Variants in RNF149 observed in about 807,000 individuals in gnomAD.
The protein encoded by RNF149 is E3 ubiquitin-protein ligase RNF149.
A neutral mutation model predicts 39.0 loss-of-function variants in RNF149; 21 were observed. That is an observed-to-expected ratio of 0.54 (90% confidence interval 0.38 to 0.77). The LOEUF is 0.77. Ranked by LOEUF, RNF149 falls within the 30% of genes least tolerant of loss-of-function variation. The probability of loss-of-function intolerance (pLI) is 0.00; values close to 1 mark genes in which losing one functional copy is unlikely to be tolerated. For synonymous variants in RNF149, 209 were observed against 213.6 expected, an observed-to-expected ratio of 0.98 and a Z score of 0.19; for missense variants, 493 against 534.9, an observed-to-expected ratio of 0.92 and a Z score of 0.77.
At position 101,308,261 on chromosome 2, in the gene RNF149, C is replaced by T; in HGVS notation, c.328G>A (p.Val110Ile). ...CAGCCCCCACGAGCCACCAGGGCGACCCAGGGCGCGGCCCCTCGGCCGCCG... is the reference window on the plus strand; with the variant it reads ...CAGCCCCCACGAGCCACCAGGGCGATCCAGGGCGCGGCCCCTCGGCCGCCG... ...EPGGRGAAPW[V>I]ALVARGGCTF... The change falls in exon 1 of 7, where the codon GTC becomes ATC. Residue 110 changes from valine to isoleucine, a missense_variant. Physicochemically the swap from Val to Ile is conservative, Grantham distance 29 (BLOSUM62 3). Coordinates refer to ENST00000295317, the MANE Select transcript of RNF149 (RefSeq NM_173647.4). The T allele has an allele frequency of 6.3e-7, 1 of 1,587,306 alleles. No individual in the cohort carries two copies. The highest frequency in any genetic ancestry group is 8.6e-7 in the Non-Finnish European group (1 of 1,168,696).
At chr2:101,279,951 T>A (rs1682507135) in intron 6 of RNF149, among the ~76,000 whole-genome samples, 1 of 152,168 alleles carries the variant, frequency 6.6e-6, no homozygotes, top group Admixed American at 6.5e-5. Context: ...AAAATTCTGA[T>A]GAGATTTTCT....
chr2:101,282,154 T>G, intron 5 of RNF149, 97 bp from the exon 6 acceptor site: 2 of 1,495,042 alleles, frequency 1.3e-6, no homozygotes, highest in Non-Finnish European at 1.8e-6. Context: ...CAATATTACG[T>G]ACTTCTGTAC....
Position 101,292,876 on chromosome 2 carries a change from CAG to C in RNF149, c.780+1136_780+1137del, listed in dbSNP as rs368508534. Among the ~76,000 whole-genome samples the C allele has an allele frequency of 2.3e-3, 356 of 152,074 alleles. 2 individuals are homozygous for C. The highest frequency in any genetic ancestry group is 8.3e-3 in the African/African-American group (344 of 41,478). On this transcript the variant is annotated intron_variant, in intron 3 of 6. Coordinates refer to ENST00000295317, the MANE Select transcript of RNF149 (RefSeq NM_173647.4). ...AGTAACTGACTATGCTGAATGTGTGCAGAGTTTGTCACAGGGATTAACTGGAA... is the reference window on the plus strand; with the variant it reads ...AGTAACTGACTATGCTGAATGTGTGCAGTTTGTCACAGGGATTAACTGGAA...
chr2:101,303,240 C>T (rs1397658325), intron 1 of RNF149, among the ~76,000 whole-genome samples: 2 of 151,952 alleles, frequency 1.3e-5, no homozygotes, highest in Non-Finnish European at 1.5e-5. Flanking sequence ...CTCAGCCTCC[C>T]GAGTAGCTGA....
chr2:101,276,344 AG>A lies in RNF149; in HGVS notation c.*893del. 3 of 985,830 alleles carry A rather than the reference AG, an allele frequency of 3.0e-6. No homozygotes were observed. The highest frequency in any genetic ancestry group is 3.6e-6 in the Non-Finnish European group (3 of 829,908). 61.1% of individuals were successfully genotyped at this position (985,830 alleles called of 1,614,324 possible). A position where few individuals can be genotyped will look rare whatever the true frequency, so the allele number is the denominator to read the frequency against. On this transcript the variant is annotated 3_prime_UTR_variant, in exon 7 of 7. Transcript: ENST00000295317. The stretch of plus-strand genomic sequence containing the variant: ...GTAAAAAAGAAGAAACGGTTAAGCA[AG>A]GTCATGGTATTAAATCTGCTTAAAC...
At chr2:101,278,279 A>G (rs1682427486) in intron 6 of RNF149, among the ~76,000 whole-genome samples, 1 of 151,960 alleles carries the variant, frequency 6.6e-6, no homozygotes, top group Non-Finnish European at 1.5e-5. Flanking sequence ...AGCTTCCCAG[A>G]GAGCTAGGAC....
chr2:101,296,919 A>C (rs1453220001), intron 1 of RNF149, among the ~76,000 whole-genome samples: 3 of 152,174 alleles, frequency 2.0e-5, no homozygotes, highest in African/African-American at 7.2e-5. Context: ...TCAAAAGAGT[A>C]AATGGTTGGC....
In RNF149 at chr2:101,276,598, A is replaced by T; in HGVS notation, c.*640T>A. On this transcript the variant is annotated 3_prime_UTR_variant, in exon 7 of 7. Transcript: ENST00000295317. Reference sequence around the variant, plus strand: ...AAATAAACAGATTTCCCTCCCCAACAAGGCGTCACAAGAAATGAGGCAATA... The same window carrying T: ...AAATAAACAGATTTCCCTCCCCAACTAGGCGTCACAAGAAATGAGGCAATA... 1 of 985,784 alleles carries T rather than the reference A, an allele frequency of 1.0e-6. No homozygotes were observed. The highest frequency in any genetic ancestry group is 1.2e-6 in the Non-Finnish European group (1 of 829,908). 61.1% of individuals were successfully genotyped at this position (985,784 alleles called of 1,614,324 possible).
chr2:101,273,000 T>C (rs1169583665), downstream of RNF149: 1 of 1,352,504 alleles, frequency 7.4e-7, no homozygotes, highest in Non-Finnish European at 9.8e-7. Flanking sequence ...GAGAGCAAAC[T>C]GCTGATGGAG....
rs115569851 is a variant in RNF149 at position 101,295,230 on chromosome 2, C to A, written c.461-49G>T. The A allele has an allele frequency of 3.6e-3, 5,414 of 1,492,424 alleles. 138 individuals carry two copies. The African/African-American group carries it at 0.061, about 17-fold the overall frequency. The allele number at this position is 1,492,424 out of a possible 1,614,324, so 92.4% of individuals were successfully genotyped here. ...AATGTGAAGAACACAAAATAAGATA[C>A]AGAGAACATTAAATTAAATATAAGG... is the stretch of plus-strand genomic sequence containing the variant. On this transcript the variant is annotated intron_variant, in intron 1 of 6. Coordinates refer to ENST00000295317, the MANE Select transcript of RNF149 (RefSeq NM_173647.4).
At position 101,276,198 on chromosome 2, in the gene RNF149, G is replaced by T; in HGVS notation, c.*1040C>A. Reference sequence around the variant, plus strand: ...TCTAAAAAATAACTGCCTCATACTCGACTTCTACCTCCAAGAAGTGAAAAA... The same window carrying T: ...TCTAAAAAATAACTGCCTCATACTCTACTTCTACCTCCAAGAAGTGAAAAA... On this transcript the variant is annotated 3_prime_UTR_variant, in exon 7 of 7. Transcript: ENST00000295317. 6.1e-6 allele frequency: 6 copies of T among 983,394 alleles called. No homozygotes were observed. The highest frequency in any genetic ancestry group is 7.2e-6 in the Non-Finnish European group (6 of 828,208). The allele number at this position is 983,394 out of a possible 1,614,324, so 60.9% of individuals were successfully genotyped here.
At chr2:101,300,185 A>C (rs1683397346) in intron 1 of RNF149, among the ~76,000 whole-genome samples, 1 of 152,208 alleles carries the variant, frequency 6.6e-6, no homozygotes, top group African/African-American at 2.4e-5. Flanking sequence ...GAGACAAAAA[A>C]GTTTACAAAG....
chr2:101,297,355 GTTTTGT>G (rs1683272451), intron 1 of RNF149, among the ~76,000 whole-genome samples: 1 of 152,030 alleles, frequency 6.6e-6, no homozygotes, highest in Admixed American at 6.6e-5. Flanking sequence ...ACGGTTTTTT[GTTTTGT>G]TTTTATTTTT....
chr2:101,273,098 A>G (rs777632601), downstream of RNF149: 6 of 1,364,044 alleles, frequency 4.4e-6, no homozygotes, highest in Admixed American at 7.6e-5. Flanking sequence ...CAGGATCCCT[A>G]AAAAGATAGC....
intron 5 of RNF149, among the ~76,000 whole-genome samples, chr2:101,285,168 G>T (rs137944991): frequency 6.6e-6 from 1 of 152,052 alleles, no homozygotes; most frequent in Non-Finnish European, 1.5e-5. Flanking sequence ...TAAGTGCCGG[G>T]ATTACAGGTA....
chr2:101,271,488 A>C (rs752938142), downstream of RNF149: 1 of 151,640 alleles, frequency 6.6e-6, no homozygotes, highest in Non-Finnish European at 1.5e-5. Context: ...AAAAAAAATT[A>C]TCAGGGTGTG....
rs1006686808 is a variant in RNF149, at chr2:101,277,194, T to C, written c.*44A>G. 8.7e-6 allele frequency: 14 copies of C among 1,610,734 alleles called. No homozygotes were observed. The Admixed American group carries it at 1.2e-4, about 13-fold the overall frequency. On this transcript the variant is annotated 3_prime_UTR_variant, in exon 7 of 7. Transcript: ENST00000295317. ...GTAAAAAAAATAAAATGTCCTTTAG[T>C]TCAAGCCAAACTTCTGTTGGTGCCA...
At chr2:101,306,172 TTTC>T (rs1209259054) in intron 1 of RNF149, among the ~76,000 whole-genome samples, 1 of 152,004 alleles carries the variant, frequency 6.6e-6, no homozygotes, top group Non-Finnish European at 1.5e-5. Context: ...CAAAAAGGAG[TTTC>T]TTAATGCTAT....
intron 3 of RNF149, among the ~76,000 whole-genome samples, chr2:101,290,190 C>CA (rs1037340310): frequency 6.6e-6 from 1 of 151,766 alleles, no homozygotes; most frequent in African/African-American, 2.4e-5. Context: ...AAAAACAAAA[C>CA]AAAAAAAGGA....
Sources: allele counts gnomAD v4.1 joint callset (sites outside exome capture counted in the v4.1 genomes callset), GRCh38; gene constraint gnomAD v4.1.1; transcripts MANE v1.5; gene names NCBI Gene and HGNC (gene_info 2026-07-23, HGNC 2026-07-21).